The following AGTPBP1 variants were observed in gnomAD, a reference collection of about 807,000 sequenced individuals.
AGTPBP1 encodes the protein cytosolic carboxypeptidase 1.
A neutral mutation model predicts 143.9 loss-of-function variants in AGTPBP1; 70 were observed. That is an observed-to-expected ratio of 0.49 (90% CI 0.40 to 0.59). AGTPBP1 has a LOEUF of 0.59. Among genes scored for constraint, AGTPBP1 ranks in the 20% least tolerant of loss-of-function variants. The probability of loss-of-function intolerance (pLI) is 0.00; values close to 1 mark genes in which losing one functional copy is unlikely to be tolerated. For synonymous variants in AGTPBP1, 463 were observed against 500.2 expected (o/e 0.93, Z 0.99); for missense variants, 1,229 against 1,464.5 (o/e 0.84, Z 2.62).
At chr9:85,583,231 G>T (rs1828389396) in intron 23 of AGTPBP1, among the ~76,000 whole-genome samples, 1 of 152,178 alleles carries the variant, frequency 6.6e-6, no homozygotes, top group South Asian at 2.1e-4. Context: ...CTGATCTGCA[G>T]AACTGTAAGT....
rs1564084593 is a variant in AGTPBP1 at position 85,632,806 on chromosome 9, AGT to A, written c.1869_1870del (p.Leu624ProfsTer2). The A allele has an allele frequency of 6.2e-7, 1 of 1,614,118 alleles. No individual in the cohort carries two copies. On this transcript the variant is annotated frameshift_variant, in exon 14 of 26. Coordinates refer to ENST00000357081, the MANE Select transcript of AGTPBP1 (RefSeq NM_001330701.2). LOFTEE classifies it high-confidence loss of function. Reference sequence around the variant, plus strand: ...CTCAATATAGAGGTCTGGGTCATGGAGTGTTGGTCCATCAGGTACTTCAACCG... The same window carrying A: ...CTCAATATAGAGGTCTGGGTCATGGAGTTGGTCCATCAGGTACTTCAACCG...
chr9:85,602,320 T>C (rs1282206847), intron 17 of AGTPBP1, among the ~76,000 whole-genome samples: 1 of 151,856 alleles, frequency 6.6e-6, no homozygotes, highest in African/African-American at 2.4e-5. Context: ...AGCAAACAAA[T>C]ACTGGAACTG....
At chr9:85,571,635 C>T (rs1172158935) in intron 25 of AGTPBP1, among the ~76,000 whole-genome samples, 1 of 151,946 alleles carries the variant, frequency 6.6e-6, no homozygotes, top group African/African-American at 2.4e-5. Context: ...TGGCAGATAC[C>T]ATCTTAATTA....
chr9:85,696,275 C>T (rs1394529804), intron 2 of AGTPBP1, among the ~76,000 whole-genome samples: 4 of 152,152 alleles, frequency 2.6e-5, no homozygotes, highest in East Asian at 3.8e-4. Context: ...AAACACTGAT[C>T]TACCATAATG....
rs36071967 is a variant in AGTPBP1 at position 85,637,083 on chromosome 9, C to T, written c.1303-3709G>A. ...TTAGACAGAGTTTCGCTCTTGTTGC[C>T]CAGGCTGGAGTGCAATGGCATGATC... On this transcript the variant is annotated intron_variant, in intron 13 of 25. Coordinates refer to ENST00000357081, the MANE Select transcript of AGTPBP1 (RefSeq NM_001330701.2). Among the ~76,000 whole-genome samples the T allele has an allele frequency of 6.2e-3, 929 of 150,216 alleles. 4 individuals carry two copies. Among genetic ancestry groups the T allele is most frequent in the Non-Finnish European group, 0.01 (705 of 67,722 alleles).
chr9:85,550,412 T>A (rs1405106642), intron 25 of AGTPBP1, among the ~76,000 whole-genome samples: 11 of 152,184 alleles, frequency 7.2e-5, no homozygotes. Context: ...GATACCCTTC[T>A]ATTCTAGTTT....
At chr9:85,637,834 A>G (rs192998479) in intron 13 of AGTPBP1, among the ~76,000 whole-genome samples, 182 of 152,358 alleles carry the variant, frequency 1.2e-3, no homozygotes, top group Middle Eastern at 3.4e-3. Flanking sequence ...CCAGAGAAAG[A>G]GACTAATTTT....
the AGTPBP1 span, among the ~76,000 whole-genome samples, chr9:85,763,269 AGG>A: frequency 1.3e-5 from 2 of 152,130 alleles, no homozygotes; most frequent in African/African-American, 4.8e-5. Flanking sequence ...ACTATGAAAA[AGG>A]AAGACTCAGG....
At chr9:85,609,381 C>T (rs1014707791) in intron 17 of AGTPBP1, among the ~76,000 whole-genome samples, 2 of 151,456 alleles carry the variant, frequency 1.3e-5, no homozygotes, top group African/African-American at 4.9e-5. Context: ...ACCTCCACCT[C>T]CCAGGTTCAA....
intron 2 of AGTPBP1, among the ~76,000 whole-genome samples, chr9:85,707,560 C>T (rs1837090677): frequency 6.6e-6 from 1 of 151,984 alleles, no homozygotes; most frequent in Admixed American, 6.6e-5. Flanking sequence ...ACTATAAATG[C>T]TAGACAGTAA....
chr9:85,788,055 A>G, the AGTPBP1 span: 3 of 152,190 alleles, frequency 2.0e-5, no homozygotes, highest in South Asian at 6.2e-4. Flanking sequence ...GAAACAAACC[A>G]AAACAAAACA....
At chr9:85,684,553 CG>C (rs1282375835) in intron 3 of AGTPBP1, among the ~76,000 whole-genome samples, 1 of 152,012 alleles carries the variant, frequency 6.6e-6, no homozygotes, top group East Asian at 1.9e-4. Flanking sequence ...TTTTCTTTCT[CG>C]GTGAAGCTCC....
chr9:85,736,048 T>A (rs941627991), intron 1 of AGTPBP1, among the ~76,000 whole-genome samples: 4 of 152,206 alleles, frequency 2.6e-5, no homozygotes, highest in Non-Finnish European at 5.9e-5. Context: ...CACTTTTTTT[T>A]AAACTTATGA....
chr9:85,631,719 C>G (rs940825009), intron 14 of AGTPBP1, among the ~76,000 whole-genome samples: 3 of 152,134 alleles, frequency 2.0e-5, no homozygotes, highest in Admixed American at 6.5e-5. Context: ...GAATCAAATA[C>G]AGCAAGTTCT....
intron 17 of AGTPBP1, among the ~76,000 whole-genome samples, chr9:85,618,434 A>G (rs1282306166): frequency 1.3e-5 from 2 of 152,158 alleles, no homozygotes; most frequent in Admixed American, 1.3e-4. Flanking sequence ...AAGCAGATAC[A>G]GTACCAAACA....
chr9:85,800,807 T>TTTTG, the AGTPBP1 span, among the ~76,000 whole-genome samples: 2 of 144,606 alleles, frequency 1.4e-5, no homozygotes, highest in South Asian at 2.3e-4. Flanking sequence ...TTTAGAATGG[T>TTTTG]TGTGTGTGTG....
At chr9:85,686,051 G>A (rs984078960) in intron 3 of AGTPBP1, among the ~76,000 whole-genome samples, 9 of 151,778 alleles carry the variant, frequency 5.9e-5, no homozygotes, top group Non-Finnish European at 1.3e-4. Flanking sequence ...GGAAGAAAAG[G>A]AATAAAAAAC....
chr9:85,764,933 A>C, the AGTPBP1 span: 1 of 994,324 alleles, frequency 1.0e-6, no homozygotes, highest in Non-Finnish European at 1.6e-6. Context: ...GAAGTAAGTC[A>C]GTATTCTTTG....
chr9:85,550,219 A>AG (rs1296755774), intron 25 of AGTPBP1, among the ~76,000 whole-genome samples: 1,680 of 139,806 alleles, frequency 0.012, 22 homozygotes, highest in South Asian at 0.024. Flanking sequence ...GAGAGAGAGA[A>AG]AGATATCAGG....
Sources: allele counts gnomAD v4.1 joint callset (sites outside exome capture counted in the v4.1 genomes callset), GRCh38; gene constraint gnomAD v4.1.1; transcripts MANE v1.5; gene names NCBI Gene and HGNC (gene_info 2026-07-23, HGNC 2026-07-21).